ABCG2: variants seen among roughly 807,000 people sequenced by gnomAD.
ABCG2 encodes broad substrate specificity ATP-binding cassette transporter ABCG2.
ABCG2 carries 80 observed loss-of-function variants against 73.5 expected under a neutral mutation model. The observed-to-expected ratio is 1.09, with a 90% confidence interval of 0.91 to 1.31. ABCG2 has a LOEUF of 1.31. ABCG2 is among the 50% of genes most tolerant of loss of function. ABCG2 has a pLI of 0.00. For synonymous variants in ABCG2, 269 were observed against 282.4 expected, an observed-to-expected ratio of 0.95 and a Z score of 0.48; for missense variants, 796 against 786.2, an observed-to-expected ratio of 1.01 and a Z score of -0.15.
chr4:88,227,754 G>A (rs571936155), intron 1 of ABCG2, among the ~76,000 whole-genome samples: 78 of 152,300 alleles, frequency 5.1e-4, no homozygotes, highest in African/African-American at 1.8e-3. Flanking sequence ...ACAAACACAT[G>A]AGTAATTTTG....
At chr4:88,161,270 A>C (rs1195563717), upstream of ABCG2, among the ~76,000 whole-genome samples, 205 of 117,016 alleles carry the variant, frequency 1.8e-3, no homozygotes, top group Admixed American at 3.8e-3. Flanking sequence ...CGCTGCACCC[A>C]CTAACGTGTC....
intron 1 of ABCG2, among the ~76,000 whole-genome samples, chr4:88,203,984 A>G (rs1392189544): frequency 6.6e-6 from 1 of 152,190 alleles, no homozygotes; most frequent in East Asian, 1.9e-4. Flanking sequence ...ACTTTAAAAG[A>G]AAAGGTAACT....
intron 1 of ABCG2, among the ~76,000 whole-genome samples, chr4:88,168,546 A>C (rs1727630898): frequency 2.0e-5 from 3 of 151,922 alleles, no homozygotes; most frequent in Non-Finnish European, 4.4e-5. Flanking sequence ...CACTTCTAAA[A>C]ATTAGACTGC....
At chr4:88,122,887 G>A (rs902650717) in intron 5 of ABCG2, among the ~76,000 whole-genome samples, 1 of 152,192 alleles carries the variant, frequency 6.6e-6, no homozygotes, top group Non-Finnish European at 1.5e-5. Context: ...TCCCAGCAGG[G>A]GTCGACAGAC....
chr4:88,121,929 C>A (rs921928922), intron 5 of ABCG2, 137 bp from the exon 6 acceptor site: 6 of 834,444 alleles, frequency 7.2e-6, no homozygotes, highest in African/African-American at 1.7e-5. Flanking sequence ...TAAGTGGATA[C>A]CTGGTAGAAA....
chr4:88,152,712 G>T (rs192978747), intron 1 of ABCG2, among the ~76,000 whole-genome samples: 1 of 152,144 alleles, frequency 6.6e-6, no homozygotes, highest in East Asian at 1.9e-4. Flanking sequence ...GCTTAGCTTG[G>T]GCTCAGAGGC....
chr4:88,173,789 A>G (rs1727851674), intron 1 of ABCG2, among the ~76,000 whole-genome samples: 1 of 152,214 alleles, frequency 6.6e-6, no homozygotes, highest in African/African-American at 2.4e-5. Context: ...ACTTGAGCCC[A>G]GGAGTTTGAG....
chr4:88,199,585 C>A (rs1195326013), intron 1 of ABCG2, among the ~76,000 whole-genome samples: 2 of 152,170 alleles, frequency 1.3e-5, no homozygotes, highest in Non-Finnish European at 2.9e-5. Context: ...ACTTAGAATT[C>A]TGTATACTGT....
intron 1 of ABCG2, among the ~76,000 whole-genome samples, chr4:88,154,718 G>A (rs1290730679): frequency 6.6e-6 from 1 of 152,172 alleles, no homozygotes. Context: ...ATTGAAGTCT[G>A]GGCCAGGAAC....
chr4:88,115,804 C>T (rs552603555), intron 7 of ABCG2, among the ~76,000 whole-genome samples: 48 of 152,160 alleles, frequency 3.2e-4, no homozygotes, highest in African/African-American at 1.1e-3. Context: ...AGAAAAAAAT[C>T]CAAAAGCCCA....
intron 1 of ABCG2, among the ~76,000 whole-genome samples, chr4:88,184,559 C>G (rs1395465382): frequency 6.6e-6 from 1 of 151,790 alleles, no homozygotes; most frequent in Non-Finnish European, 1.5e-5. Flanking sequence ...AAGAGGACAC[C>G]AAAAATGGAA....
intron 1 of ABCG2, among the ~76,000 whole-genome samples, chr4:88,218,996 C>A (rs140983655): frequency 1.3e-5 from 2 of 152,262 alleles, no homozygotes; most frequent in African/African-American, 4.8e-5. Flanking sequence ...AAAGGAAATA[C>A]GGGAACTGCT....
At chr4:88,114,598 GC>G (rs1290439106) in intron 8 of ABCG2, among the ~76,000 whole-genome samples, 1 of 149,030 alleles carries the variant, frequency 6.7e-6, no homozygotes, top group Non-Finnish European at 1.5e-5. Context: ...TTGCACTCCA[GC>G]CTGGGTGACA....
intron 1 of ABCG2, among the ~76,000 whole-genome samples, chr4:88,172,856 C>T (rs10009618): frequency 0.58 from 87,848 of 151,878 alleles, 26,117 homozygotes; most frequent in African/African-American, 0.7. Context: ...AGATAAGCTT[C>T]CATTCTGTGT....
upstream of ABCG2, among the ~76,000 whole-genome samples, chr4:88,162,986 T>C (rs899924435): frequency 5.3e-5 from 8 of 152,202 alleles, no homozygotes; most frequent in Admixed American, 3.9e-4. Context: ...GTATGCTACA[T>C]TTCTTAGTGC....
intron 1 of ABCG2, among the ~76,000 whole-genome samples, chr4:88,202,354 T>TACATATATATATATATATATATATATA (rs1553945717): frequency 1.6e-5 from 1 of 62,086 alleles, no homozygotes; most frequent in African/African-American, 5.2e-5. Flanking sequence ...CTACAATTAT[T>TACATATATATATATATATATATATATA]TATATATATA....
rs377479109 is a variant in ABCG2 at position 88,211,112 on chromosome 4, AT to A, written c.-20+19881del. Among the ~76,000 whole-genome samples, 255 of 150,812 alleles carry A rather than the reference AT, an allele frequency of 1.7e-3. 2 individuals are homozygous for A. Among genetic ancestry groups the A allele is most frequent in the African/African-American group, 5.5e-3 (226 of 41,284 alleles). On this transcript the variant is annotated intron_variant, in intron 1 of 15. Transcript: ENST00000515655. ...CTAAAAAAATTAAAAAATAAAAAAA[AT>A]ATATATATATATGTAAAAGAAGAAG... is the stretch of plus-strand genomic sequence containing the variant.
At chr4:88,225,878 G>A (rs1479739292) in intron 1 of ABCG2, among the ~76,000 whole-genome samples, 3 of 152,142 alleles carry the variant, frequency 2.0e-5, no homozygotes, top group Non-Finnish European at 4.4e-5. Context: ...CTTACATGGT[G>A]ACAGGGAAGA....
chr4:88,172,407 G>A (rs999527620), intron 1 of ABCG2, among the ~76,000 whole-genome samples: 1 of 151,484 alleles, frequency 6.6e-6, no homozygotes, highest in East Asian at 1.9e-4. Flanking sequence ...GTGAAACCCC[G>A]TCTCTACTAA....
Sources: gnomAD v4.1 joint callset for allele counts (sites outside exome capture counted in the v4.1 genomes callset) on GRCh38, gnomAD v4.1.1 for gene constraint, MANE v1.5 for transcripts, NCBI Gene and HGNC (gene_info 2026-07-23, HGNC 2026-07-21) for gene names.